Variants in ZNF76 observed in about 807,000 individuals in gnomAD.
ZNF76 encodes the protein zinc finger protein 76.
In ZNF76, 66 loss-of-function variants were observed where a neutral mutation model predicts 66.9. The ratio of observed to expected loss-of-function variants is 0.99; its 90% confidence interval spans 0.81 to 1.21. ZNF76 has a LOEUF of 1.21. Among genes scored for constraint, ZNF76 ranks in the 50% most tolerant of loss-of-function variants. The pLI is 0.00. For synonymous variants in ZNF76, 275 were observed against 296.1 expected, an observed-to-expected ratio of 0.93 and a Z score of 0.73; for missense variants, 729 against 760.3, an observed-to-expected ratio of 0.96 and a Z score of 0.48.
rs115507183 is a variant in ZNF76, at chr6:35,261,652, A to G, written c.-97+1811A>G. Among the ~76,000 whole-genome samples, 979 of 152,222 alleles carry G rather than the reference A, an allele frequency of 6.4e-3. 3 individuals carry two copies. Among genetic ancestry groups the G allele is most frequent in the South Asian group, 0.015 (73 of 4,804 alleles). On this transcript the variant is annotated intron_variant, in intron 1 of 13. Coordinates refer to ENST00000373953, the MANE Select transcript of ZNF76 (RefSeq NM_003427.5). ...CCTGTCTTTCCCCCAGACTTACTCA[A>G]CCTCAGCTCCTTATTCCTTATTTTC...
chr6:35,292,606 G>T lies in ZNF76; in HGVS notation c.984G>T (p.Glu328Asp). The change falls in exon 10 of 14, where the codon GAG (glutamate) becomes GAT (aspartate). Residue 328 changes from glutamate (E) to aspartate (D), a missense_variant. By Grantham distance (45) the Glu-to-Asp change is conservative. Coordinates refer to ENST00000373953, the MANE Select transcript of ZNF76 (RefSeq NM_003427.5). This position sits in a 1 kb window ranked among gnomAD's most constrained non-coding sequence, Gnocchi z 4.7. ...TVPGCGKRFT[E>D]YSSLYKHHVV... ...CAGGCTGCGGGAAACGCTTCACCGA[G>T]TACTCGAGCTTGTATAAGCACCACG... 1 of 1,613,824 alleles carries T rather than the reference G, an allele frequency of 6.2e-7. No homozygotes were observed. The highest frequency in any genetic ancestry group is 8.5e-7 in the Non-Finnish European group (1 of 1,180,032).
chr6:35,283,240 T>C (rs1341645645), intron 2 of ZNF76, among the ~76,000 whole-genome samples: 1 of 152,222 alleles, frequency 6.6e-6, no homozygotes, highest in Non-Finnish European at 1.5e-5. Flanking sequence ...AGTGTTGCAG[T>C]GTGCACTTAC....
At chr6:35,284,285 G>A (rs1446954642) in intron 2 of ZNF76, among the ~76,000 whole-genome samples, 6 of 151,690 alleles carry the variant, frequency 4.0e-5, no homozygotes, top group Admixed American at 3.3e-4. Flanking sequence ...GTAGAGACAC[G>A]GTTTCATGAT....
At position 35,295,451 on chromosome 6, in the gene ZNF76, G is replaced by A; in HGVS notation, c.*203G>A. On this transcript the variant is annotated 3_prime_UTR_variant, in exon 14 of 14. Coordinates refer to ENST00000373953, the MANE Select transcript of ZNF76 (RefSeq NM_003427.5). ...GGGCCAGGCAGCTGGAATCAGGGGA[G>A]TGCATCATCCTCGGGAGCTGACAAC... The A allele has an allele frequency of 1.6e-6, 1 of 614,784 alleles. No individual in the cohort carries two copies. The highest frequency in any genetic ancestry group is 2.9e-5 in the East Asian group (1 of 34,072). The allele number at this position is 614,784 out of a possible 1,614,324, so 38.1% of individuals were successfully genotyped here.
intron 6 of ZNF76, 49 bp from the exon 7 acceptor site, chr6:35,290,592 C>G (rs750107717): frequency 6.2e-6 from 10 of 1,604,918 alleles, no homozygotes; most frequent in Non-Finnish European, 8.5e-6. Context: ...CCAAAGAGCC[C>G]TGGTCATACC....
chr6:35,286,468 G>A, intron 4 of ZNF76, 69 bp downstream of exon 4: 6 of 1,441,498 alleles, frequency 4.2e-6, no homozygotes, highest in Non-Finnish European at 4.8e-6. Context: ...TGGCAGGACT[G>A]GAGGATGGGA....
chr6:35,273,722 CA>C (rs35149897), intron 1 of ZNF76, among the ~76,000 whole-genome samples: 95 of 130,100 alleles, frequency 7.3e-4, no homozygotes, highest in African/African-American at 1.1e-3. Context: ...CTCCATCTCA[CA>C]AAAAAAAAAA....
Position 35,292,759 on chromosome 6 carries a change from G to A in ZNF76, c.1137G>A (p.Gln379=). The part of the protein sequence containing the change: ...GELEATEESE[Q]ALYEQQQLEA... ...TGGAGGCCACGGAGGAGAGCGAGCAGGCCCTCTATGAGCAGCAGCAACTTG... is the reference window on the plus strand; with the variant it reads ...TGGAGGCCACGGAGGAGAGCGAGCAAGCCCTCTATGAGCAGCAGCAACTTG... The change falls in exon 10 of 14, where the codon CAG becomes CAA. Residue 379 remains glutamine (Q), a synonymous_variant. Coordinates refer to ENST00000373953, the MANE Select transcript of ZNF76 (RefSeq NM_003427.5). This position sits in a 1 kb window ranked among gnomAD's most constrained non-coding sequence, Gnocchi z 4.7. 2 of 1,614,046 alleles carry A rather than the reference G, an allele frequency of 1.2e-6. No homozygotes were observed. The highest frequency in any genetic ancestry group is 1.7e-6 in the Non-Finnish European group (2 of 1,179,972).
In ZNF76 at chr6:35,287,715, C is replaced by T; in HGVS notation, c.302C>T (p.Pro101Leu). Residue 101 changes from proline to leucine, a missense_variant, in exon 5 of 14, where the codon CCT (proline) becomes CTT (leucine). By Grantham distance (98) the Pro-to-Leu change is moderately conservative. Coordinates refer to ENST00000373953, the MANE Select transcript of ZNF76 (RefSeq NM_003427.5). This position sits in a 1 kb window ranked among gnomAD's most constrained non-coding sequence, Gnocchi z 4.0. ...EDGSTAYIHH[P>L]VAVPSESTIL... Reference sequence around the variant, plus strand: ...GGCTCCACTGCCTACATTCACCACCCTGTGGCTGTGCCATCGGAGAGCACC... The same window carrying T: ...GGCTCCACTGCCTACATTCACCACCTTGTGGCTGTGCCATCGGAGAGCACC... 1 of 1,614,236 alleles carries T rather than the reference C, an allele frequency of 6.2e-7. No homozygotes were observed. The highest frequency in any genetic ancestry group is 1.1e-5 in the South Asian group (1 of 91,086).
Position 35,291,309 on chromosome 6 carries a change from C to T in ZNF76, c.657C>T (p.His219=), listed in dbSNP as rs1188080986. 2.5e-6 allele frequency: 4 copies of T among 1,613,428 alleles called. No individual in the cohort carries two copies. The highest frequency in any genetic ancestry group is 3.4e-6 in the Non-Finnish European group (4 of 1,179,726). The change falls in exon 8 of 14, where the codon CAC becomes CAT. Residue 219 remains histidine, a synonymous_variant. Coordinates refer to ENST00000373953, the MANE Select transcript of ZNF76 (RefSeq NM_003427.5). ...GYGLKSHVRT[H]TGEKPYKCPE... is the part of the protein sequence containing the mutation. ...GACTGAAGAGCCACGTTCGTACCCA[C>T]ACTGGTGAGAAACCATACAAGTGCC...
chr6:35,268,039 G>A (rs1371516850), intron 1 of ZNF76, among the ~76,000 whole-genome samples: 1 of 152,158 alleles, frequency 6.6e-6, no homozygotes, highest in Admixed American at 6.5e-5. Flanking sequence ...ACAATAAGCA[G>A]AACTGAATCA....
In ZNF76 at chr6:35,293,834, C is replaced by G. The variant is rs774350914; in HGVS notation, c.1413C>G (p.Ile471Met). ...VTQHGSTTLT[I>M]PSPDADLATS... ...AGCACGGCAGCACCACCCTCACCAT[C>G]CCCAGTCCTGATGCCGACCTGGCCA... Residue 471 changes from isoleucine to methionine, a missense_variant, in exon 12 of 14, where the codon ATC (isoleucine) becomes ATG (methionine). Coordinates refer to ENST00000373953, the MANE Select transcript of ZNF76 (RefSeq NM_003427.5). The G allele has an allele frequency of 1.2e-6, 2 of 1,614,182 alleles. No individual in the cohort carries two copies. The highest frequency in any genetic ancestry group is 2.2e-5 in the South Asian group (2 of 91,084).
Position 35,268,300 on chromosome 6 carries a change from T to G in ZNF76, c.-97+8459T>G, listed in dbSNP as rs1582039502. Among the ~76,000 whole-genome samples the G allele has an allele frequency of 1.3e-5, 2 of 152,234 alleles. 1 individual carries two copies. The highest frequency in any genetic ancestry group is 4.1e-4 in the South Asian group (2 of 4,836). ...CATCTGGAAACTGTCCCTGTGGCTG[T>G]GTTTATTCTTGTGTCATTTAGATGT... On this transcript the variant is annotated intron_variant, in intron 1 of 13. Coordinates refer to ENST00000373953, the MANE Select transcript of ZNF76 (RefSeq NM_003427.5).
At chr6:35,261,762 A>G (rs1416531250) in intron 1 of ZNF76, among the ~76,000 whole-genome samples, 2 of 151,882 alleles carry the variant, frequency 1.3e-5, no homozygotes, top group African/African-American at 4.8e-5. Context: ...AGATCCTCCC[A>G]CCTTAGCCTC....
chr6:35,280,953 T>G, intron 1 of ZNF76, 103 bp from the exon 2 acceptor site: 1 of 599,266 alleles, frequency 1.7e-6, no homozygotes, highest in South Asian at 2.0e-5. Flanking sequence ...AGAATTCATC[T>G]TTTTTCTTCT....
rs76548663 is a variant in ZNF76, at chr6:35,286,631, G to T, written c.232+232G>T. On this transcript the variant is annotated intron_variant, in intron 4 of 13. Transcript: ENST00000373953. The stretch of plus-strand genomic sequence containing the variant: ...GGTGAGCCTTGGAGATCAGTGACGT[G>T]GACTTTGATGGTGGCCTTGGCTCCA... The T allele has an allele frequency of 3.8e-3, 2,236 of 590,156 alleles. 45 individuals are homozygous for T. Among genetic ancestry groups the T allele is most frequent in the African/African-American group, 0.035 (1,888 of 53,952 alleles). The allele number at this position is 590,156 out of a possible 1,614,324, so 36.6% of individuals were successfully genotyped here. A position where few individuals can be genotyped will look rare whatever the true frequency, so the allele number is the denominator to read the frequency against.
At chr6:35,274,344 C>T (rs1787572499) in intron 1 of ZNF76, among the ~76,000 whole-genome samples, 1 of 152,200 alleles carries the variant, frequency 6.6e-6, no homozygotes, top group South Asian at 2.1e-4. Flanking sequence ...TTCCAACTGT[C>T]CAGAGTTCTG....
At chr6:35,294,619 C>T (rs753605136) in intron 13 of ZNF76, 50 bp downstream of exon 13, 2 of 1,320,848 alleles carry the variant, frequency 1.5e-6, no homozygotes, top group East Asian at 2.3e-5. Context: ...GAGAAGTCAA[C>T]AAGGAATAAA....
chr6:35,276,345 G>A (rs1319261484), intron 1 of ZNF76, among the ~76,000 whole-genome samples: 1 of 152,192 alleles, frequency 6.6e-6, no homozygotes, highest in Non-Finnish European at 1.5e-5. Flanking sequence ...GTTGCCACTA[G>A]TCCTAGCTGT....
Sources: allele counts gnomAD v4.1 joint callset (sites outside exome capture counted in the v4.1 genomes callset), GRCh38; gene constraint gnomAD v4.1.1; non-coding constraint Gnocchi (gnomAD v3.1); transcripts MANE v1.5; gene names NCBI Gene and HGNC (gene_info 2026-07-23, HGNC 2026-07-21).